WDFY4: variants seen among roughly 807,000 people sequenced by gnomAD.
WDFY4 encodes WDFY family member 4.
Under a neutral mutation model 351.9 loss-of-function variants are expected in WDFY4, and 169 were observed. The observed-to-expected ratio is 0.48, with a 90% CI of 0.42 to 0.55. WDFY4 has a LOEUF of 0.55. Ranked by LOEUF, WDFY4 falls within the 20% of genes least tolerant of loss-of-function variation. The probability of loss-of-function intolerance (pLI) is 0.00; values close to 1 mark genes in which losing one functional copy is unlikely to be tolerated. For missense variants in WDFY4, 3,803 were observed against 3,935.6 expected (o/e 0.97, Z 0.90); for synonymous variants, 1,622 against 1,574.6 (o/e 1.03, Z -0.71).
intron 47 of WDFY4, among the ~76,000 whole-genome samples, chr10:48,939,386 A>C (rs1361746450): frequency 6.6e-6 from 1 of 152,156 alleles, no homozygotes; most frequent in African/African-American, 2.4e-5. Context: ...AGTGTGTTGC[A>C]AGGATGATAT....
At position 48,821,181 on chromosome 10, in the gene WDFY4, G is replaced by A; in HGVS notation, c.5824+5G>A. 1 of 1,548,264 alleles carries A rather than the reference G, an allele frequency of 6.5e-7. No individual in the cohort carries two copies. Among genetic ancestry groups the A allele is most frequent in the Non-Finnish European group, 8.7e-7 (1 of 1,143,904 alleles). ...GTGATGCAGCGATGTTCAGAGGTGA[G>A]TGGGGCAACTCGGTCCCCTCCATTC... On this transcript the variant is annotated splice_donor_5th_base_variant and intron_variant, in intron 34 of 61. Coordinates refer to ENST00000325239, the MANE Select transcript of WDFY4 (RefSeq NM_001394531.1).
chr10:48,783,871 G>A (rs1296286433), intron 19 of WDFY4, among the ~76,000 whole-genome samples: 2 of 152,108 alleles, frequency 1.3e-5, no homozygotes, highest in Non-Finnish European at 2.9e-5. Flanking sequence ...CTCTAAACAT[G>A]GAAAAAGTAC....
Position 48,826,830 on chromosome 10 carries a change from G to A in WDFY4, c.6142G>A (p.Val2048Ile), listed in dbSNP as rs749995802. ...GGGCTTTCTGCAGGAGCACTGGGAT[G>A]TTGTCTTTGCCACCTACAATTCCAA... The part of the protein sequence containing the change: ...ILGFLQEHWD[V>I]VFATYNSNIS... Residue 2048 changes from valine (V) to isoleucine (I), a missense_variant, in exon 36 of 62, where the codon GTT (valine) becomes ATT (isoleucine). Val to Ile is a conservative substitution (Grantham distance 29). Coordinates refer to ENST00000325239, the MANE Select transcript of WDFY4 (RefSeq NM_001394531.1). The A allele has an allele frequency of 1.3e-6, 2 of 1,551,734 alleles. No homozygotes were observed. The highest frequency in any genetic ancestry group is 1.4e-5 in the African/African-American group (1 of 73,044).
chr10:48,809,295 C>CCACCATCATCACCAT (rs1188133246), intron 28 of WDFY4, among the ~76,000 whole-genome samples: 2,064 of 150,426 alleles, frequency 0.014, 55 homozygotes, highest in African/African-American at 0.049. Flanking sequence ...ATCGCCATCA[C>CCACCATCATCACCAT]CACCATCATC....
At chr10:48,829,663 A>T (rs927326158) in intron 37 of WDFY4, among the ~76,000 whole-genome samples, 1 of 152,204 alleles carries the variant, frequency 6.6e-6, no homozygotes, top group African/African-American at 2.4e-5. Context: ...CAGCCTGCCC[A>T]ACATGCTGAA....
In WDFY4 at chr10:48,968,851, G is replaced by A. The variant is rs1159882934; in HGVS notation, c.8585-213G>A. The A allele has an allele frequency of 7.2e-6, 4 of 558,418 alleles. No homozygotes were observed. The Admixed American group carries it at 9.3e-5, about 13-fold the overall frequency. The allele number at this position is 558,418 out of a possible 1,614,324, so 34.6% of individuals were successfully genotyped here. A position where few individuals can be genotyped will look rare whatever the true frequency, so the allele number is the denominator to read the frequency against. On this transcript the variant is annotated intron_variant, in intron 55 of 61. Coordinates refer to ENST00000325239, the MANE Select transcript of WDFY4 (RefSeq NM_001394531.1). ...TGCCTCCCTGTGACTCCTGCCCCGGGGCCCGGCTACAGTGGGTGCTGTCCT... is the reference window on the plus strand; with the variant it reads ...TGCCTCCCTGTGACTCCTGCCCCGGAGCCCGGCTACAGTGGGTGCTGTCCT...
intron 1 of WDFY4, among the ~76,000 whole-genome samples, chr10:48,698,320 C>T (rs1213687595): frequency 1.3e-5 from 2 of 152,238 alleles, no homozygotes. Context: ...ATGTCACTCT[C>T]CTGTTCCCAA....
At chr10:48,924,527 G>A (rs1839406574) in intron 47 of WDFY4, among the ~76,000 whole-genome samples, 1 of 152,238 alleles carries the variant, frequency 6.6e-6, no homozygotes, top group South Asian at 2.1e-4. Context: ...TTTATGTATG[G>A]TTGGATGGAT....
rs1448978144 is a variant in WDFY4 at position 48,890,632 on chromosome 10, G to T, written c.7221G>T (p.Gly2407=). The change falls in exon 44 of 62, where the codon GGG becomes GGT. Residue 2407 remains glycine (G), a synonymous_variant. Coordinates refer to ENST00000325239, the MANE Select transcript of WDFY4 (RefSeq NM_001394531.1). ...TGCAGGGCCACCTGGTGTCAGAAGGGGTCCTGCTTTTTGGCCACCAACACT... is the reference window on the plus strand; with the variant it reads ...TGCAGGGCCACCTGGTGTCAGAAGGTGTCCTGCTTTTTGGCCACCAACACT... ...VIVQGHLVSE[G]VLLFGHQHFY... is the part of the protein sequence containing the mutation. The T allele has an allele frequency of 1.3e-6, 2 of 1,551,492 alleles. No individual in the cohort carries two copies. The highest frequency in any genetic ancestry group is 4.9e-5 in the East Asian group (2 of 40,928).
At chr10:48,895,100 C>G (rs1046564460) in intron 44 of WDFY4, among the ~76,000 whole-genome samples, 13 of 152,226 alleles carry the variant, frequency 8.5e-5, no homozygotes, top group Admixed American at 1.3e-4. Context: ...TCTGCAACCT[C>G]AAAGCCCAGC....
At chr10:48,809,918 C>G (rs764252308) in intron 28 of WDFY4, among the ~76,000 whole-genome samples, 2 of 152,226 alleles carry the variant, frequency 1.3e-5, no homozygotes, top group Non-Finnish European at 2.9e-5. Context: ...AGTCTGGGTC[C>G]TTTGCTGAAC....
intron 60 of WDFY4, chr10:48,979,924 C>A (rs1012649156): frequency 4.6e-5 from 7 of 152,132 alleles, no homozygotes; most frequent in African/African-American, 1.7e-4. Context: ...ATAATAGTAG[C>A]CACAGACAAG....
intron 47 of WDFY4, chr10:48,914,039 A>G (rs146359938): frequency 8.7e-6 from 14 of 1,614,040 alleles, no homozygotes; most frequent in Non-Finnish European, 1.2e-5. Context: ...GGAAGGTGGT[A>G]ATTCCCATCT....
intron 45 of WDFY4, among the ~76,000 whole-genome samples, chr10:48,898,048 G>A (rs2133396775): frequency 6.6e-6 from 1 of 152,188 alleles, no homozygotes; most frequent in African/African-American, 2.4e-5. Flanking sequence ...GCTTGGCCCT[G>A]TTTCTGGGGC....
At chr10:48,877,771 G>A (rs2070084261) in intron 43 of WDFY4, among the ~76,000 whole-genome samples, 1 of 152,252 alleles carries the variant, frequency 6.6e-6, no homozygotes, top group South Asian at 2.1e-4. Context: ...TGGGGACCAG[G>A]TGGCAGGGAA....
Position 48,910,035 on chromosome 10 carries a change from G to A in WDFY4, c.7586+8172G>A, listed in dbSNP as rs1488092155. 4 of 553,734 alleles carry A rather than the reference G, an allele frequency of 7.2e-6. No homozygotes were observed. In the African/African-American group the frequency reaches 7.5e-5, roughly 10 times the overall value. 34.3% of individuals were successfully genotyped at this position (553,734 alleles called of 1,614,324 possible). A position where few individuals can be genotyped will look rare whatever the true frequency, so the allele number is the denominator to read the frequency against. The stretch of plus-strand genomic sequence containing the variant: ...AAAACCACATCAAATATTTCCCAAA[G>A]TCATTTTCACACACAGGTGGGCTAA... On this transcript the variant is annotated intron_variant, in intron 47 of 61. Transcript: ENST00000325239.
chr10:48,942,912 G>A (rs1038628846), intron 48 of WDFY4, among the ~76,000 whole-genome samples: 2 of 152,156 alleles, frequency 1.3e-5, no homozygotes, highest in Non-Finnish European at 2.9e-5. Flanking sequence ...AGACCATCAA[G>A]CCTGGGAGTG....
chr10:48,941,434 G>C (rs898999171), intron 47 of WDFY4, among the ~76,000 whole-genome samples: 4 of 152,132 alleles, frequency 2.6e-5, no homozygotes, highest in Non-Finnish European at 5.9e-5. Flanking sequence ...TTTTATCCAC[G>C]AGCAAAACAA....
At chr10:48,890,928 G>A (rs1017563298) in intron 44 of WDFY4, among the ~76,000 whole-genome samples, 1 of 152,202 alleles carries the variant, frequency 6.6e-6, no homozygotes, top group South Asian at 2.1e-4. Context: ...TCAGGACTGG[G>A]TACTAATGTG....
Sources: allele counts gnomAD v4.1 joint callset (sites outside exome capture counted in the v4.1 genomes callset), GRCh38; gene constraint gnomAD v4.1.1; transcripts MANE v1.5; gene names NCBI Gene and HGNC (gene_info 2026-07-23, HGNC 2026-07-21).